CD163: variants seen among roughly 807,000 people sequenced by gnomAD.
CD163 encodes scavenger receptor cysteine-rich type 1 protein M130.
In CD163, 64 loss-of-function variants were observed where a neutral mutation model predicts 129.2. The ratio of observed to expected loss-of-function variants is 0.50; its 90% CI spans 0.41 to 0.61. The LOEUF is 0.61. Ranked by LOEUF, CD163 falls within the 20% of genes least tolerant of loss-of-function variation. CD163 has a pLI of 0.00. For missense variants in CD163, 1,061 were observed against 1,377.9 expected (o/e 0.77, Z 3.64); for synonymous variants, 446 against 478.5 (o/e 0.93, Z 0.89).
At position 7,496,868 on chromosome 12, in the gene CD163, A is replaced by G. The variant is rs769159899; in HGVS notation, c.1044T>C (p.His348=). Residue 348 remains histidine, a synonymous_variant, in exon 5 of 17, where the codon CAT becomes CAC. Coordinates refer to ENST00000432237, the MANE Select transcript of CD163 (RefSeq NM_203416.4). This position sits in a 1 kb window ranked among gnomAD's most constrained non-coding sequence, Gnocchi z 4.8. The part of the protein sequence containing the change: ...HEPAIWQCKH[H]EWGKHYCNHN... ...GATTGCAATAATGCTTTCCCCATTCATGGTGTTTACATTGCCAGATAGCAG... is the reference window on the plus strand; with the variant it reads ...GATTGCAATAATGCTTTCCCCATTCGTGGTGTTTACATTGCCAGATAGCAG... 5 of 1,614,086 alleles carry G rather than the reference A, an allele frequency of 3.1e-6. No individual in the cohort carries two copies. Among genetic ancestry groups the G allele is most frequent in the East Asian group, 2.2e-5 (1 of 44,882 alleles).
At position 7,497,152 on chromosome 12, in the gene CD163, AC is replaced by A. The variant is rs1949414092; in HGVS notation, c.779-20del. On this transcript the variant is annotated intron_variant, in intron 4 of 16. Coordinates refer to ENST00000432237, the MANE Select transcript of CD163 (RefSeq NM_203416.4). ...GCTCCCTCTGTAACAGAGACACACA[AC>A]AGGTCTGCGATAAGGAAGCAAGAAC... 1 of 1,598,778 alleles carries A rather than the reference AC, an allele frequency of 6.3e-7. No homozygotes were observed. The highest frequency in any genetic ancestry group is 8.5e-7 in the Non-Finnish European group (1 of 1,171,472).
intron 3 of CD163, 40 bp downstream of exon 3, chr12:7,501,099 A>G (rs781276430): frequency 6.4e-7 from 1 of 1,572,338 alleles, no homozygotes; most frequent in East Asian, 2.2e-5. Context: ...TTTTCCCACC[A>G]AGGATTTTGT....
chr12:7,489,925 C>T (rs746956099), intron 6 of CD163, among the ~76,000 whole-genome samples: 2 of 151,948 alleles, frequency 1.3e-5, no homozygotes, highest in Non-Finnish European at 2.9e-5. Flanking sequence ...TTGGGCATGC[C>T]GTAATTTTCA....
intron 16 of CD163, among the ~76,000 whole-genome samples, chr12:7,478,964 T>A (rs1162246697): frequency 6.6e-6 from 1 of 152,072 alleles, no homozygotes; most frequent in Non-Finnish European, 1.5e-5. Context: ...TAACTATACG[T>A]CTTGTTCACA....
chr12:7,485,122 G>C lies in CD163; in HGVS notation c.2753C>G (p.Ser918Trp). The C allele has an allele frequency of 1.2e-6, 2 of 1,610,528 alleles. No homozygotes were observed. The highest frequency in any genetic ancestry group is 8.5e-7 in the Non-Finnish European group (1 of 1,177,536). The change falls in exon 11 of 17, where the codon TCG (serine) becomes TGG (tryptophan). Residue 918 changes from serine (S) to tryptophan (W), a missense_variant. Transcript: ENST00000432237. The surrounding 1 kb of genome is among the most constrained non-coding windows in gnomAD (Gnocchi z 4.5). ...GTCACATGTGATCCAGGTCTCCTCC[G>C]AGGGGCTGGCCAGTCTCTTCTCCCA... ...SPWEKRLASP[S>W]EETWITCDNK...
intron 11 of CD163, among the ~76,000 whole-genome samples, chr12:7,484,388 C>T (rs1196990629): frequency 6.6e-6 from 1 of 151,960 alleles, no homozygotes; most frequent in Non-Finnish European, 1.5e-5. Flanking sequence ...ACCTGTAATC[C>T]CAGCAATTTG....
intron 6 of CD163, among the ~76,000 whole-genome samples, chr12:7,493,322 C>T (rs1949350283): frequency 6.6e-6 from 1 of 152,158 alleles, no homozygotes. Context: ...GGACAGAAGA[C>T]ACCTTCTCAG....
At chr12:7,490,539 G>A (rs1949313332) in intron 6 of CD163, among the ~76,000 whole-genome samples, 1 of 151,920 alleles carries the variant, frequency 6.6e-6, no homozygotes, top group Non-Finnish European at 1.5e-5. Flanking sequence ...TAGACCTTCT[G>A]AAGGTCTTAA....
intron 6 of CD163, among the ~76,000 whole-genome samples, chr12:7,489,119 A>G (rs1949294748): frequency 6.6e-6 from 1 of 152,184 alleles, no homozygotes; most frequent in African/African-American, 2.4e-5. Flanking sequence ...ATTACTACAG[A>G]ATTAGTAAGA....
chr12:7,492,636 G>A (rs1949341883), intron 6 of CD163, among the ~76,000 whole-genome samples: 1 of 152,056 alleles, frequency 6.6e-6, no homozygotes, highest in Non-Finnish European at 1.5e-5. Context: ...GCCACTTTTA[G>A]CATTTACAAG....
intron 6 of CD163, among the ~76,000 whole-genome samples, chr12:7,489,886 C>T (rs1276293921): frequency 2.0e-5 from 3 of 151,986 alleles, no homozygotes; most frequent in Non-Finnish European, 4.4e-5. Context: ...ACTTTATCAA[C>T]CTAATTTGAT....
At chr12:7,471,964 T>TAAGGAGGCC (rs1169155123) in intron 16 of CD163, 1 of 152,192 alleles carries the variant, frequency 6.6e-6, no homozygotes, top group Non-Finnish European at 1.5e-5. Flanking sequence ...GTGACAGCGC[T>TAAGGAGGCC]AAGGAGGCCA....
In CD163 at chr12:7,502,565, C is replaced by T. The variant is rs766464634; in HGVS notation, c.47-1G>A. 7.2e-6 allele frequency: 11 copies of T among 1,528,466 alleles called. No homozygotes were observed. The South Asian group carries it at 1.0e-4, about 14-fold the overall frequency. 94.7% of individuals were successfully genotyped at this position (1,528,466 alleles called of 1,614,324 possible). A position where few individuals can be genotyped will look rare whatever the true frequency, so the allele number is the denominator to read the frequency against. The stretch of plus-strand genomic sequence containing the variant: ...AAGTTGACAAAATGTCTTCTGAAGT[C>T]TGTGAAAAAGAAAAGAGGGCAAAAG... On this transcript the variant is annotated splice_acceptor_variant, in intron 1 of 16. Transcript: ENST00000432237. LOFTEE classifies it high-confidence loss of function.
Position 7,496,699 on chromosome 12 carries a change from A to C in CD163, c.1099+114T>G. The C allele has an allele frequency of 1.2e-6, 1 of 804,020 alleles. No homozygotes were observed. 49.8% of individuals were successfully genotyped at this position (804,020 alleles called of 1,614,324 possible). On this transcript the variant is annotated intron_variant, in intron 5 of 16. Transcript: ENST00000432237. The surrounding 1 kb of genome is among the most constrained non-coding windows in gnomAD (Gnocchi z 4.8). ...TAAAGGAATTCCCAGCAAGGAATTTACTAGGCATTTCTACTTCTTAAGGAG... is the reference window on the plus strand; with the variant it reads ...TAAAGGAATTCCCAGCAAGGAATTTCCTAGGCATTTCTACTTCTTAAGGAG...
chr12:7,483,197 G>A (rs6488340), intron 12 of CD163, 170 bp downstream of exon 12: 660,254 of 772,760 alleles, frequency 0.85, 288,474 homozygotes, highest in Non-Finnish European at 0.91. Context: ...GGTGAAGGCC[G>A]TTGTATAACA....
chr12:7,492,689 A>G (rs752918493), intron 6 of CD163, among the ~76,000 whole-genome samples: 1 of 152,074 alleles, frequency 6.6e-6, no homozygotes, highest in Non-Finnish European at 1.5e-5. Context: ...GCAAGCAGAA[A>G]TGGGAGGAGA....
rs1949402599 is a variant in CD163 at position 7,496,426 on chromosome 12, T to C, written c.1099+387A>G. Among the ~76,000 whole-genome samples the C allele has an allele frequency of 6.6e-6, 1 of 152,160 alleles. No individual in the cohort carries two copies. The highest frequency in any genetic ancestry group is 6.5e-5 in the Admixed American group (1 of 15,280). ...GGTTGATACGTGAAGCAGACCACCA[T>C]GGAACATGTTTACCCATGTAACAAA... On this transcript the variant is annotated intron_variant, in intron 5 of 16. Transcript: ENST00000432237. The surrounding 1 kb of genome is among the most constrained non-coding windows in gnomAD (Gnocchi z 4.8).
intron 16 of CD163, among the ~76,000 whole-genome samples, chr12:7,476,209 A>G (rs140067860): frequency 1.6e-4 from 25 of 152,326 alleles, no homozygotes; most frequent in Admixed American, 1.6e-3. Flanking sequence ...GCTACCATCG[A>G]CTTTCTTTAC....
chr12:7,487,834 T>G lies in CD163; in HGVS notation c.1674A>C (p.Pro558=), dbSNP rs762871551. The G allele has an allele frequency of 1.9e-6, 3 of 1,614,150 alleles. No individual in the cohort carries two copies. In the Admixed American group the frequency reaches 5.0e-5, roughly 27 times the overall value. ...EGHESHLSLC[P]VAPRPEGTCS... Reference sequence around the variant, plus strand: ...AAGTTCCTTCTGGGCGGGGTGCTACTGGGCAGAGTGAAAGATGGGACTCAT... The same window carrying G: ...AAGTTCCTTCTGGGCGGGGTGCTACGGGGCAGAGTGAAAGATGGGACTCAT... Residue 558 remains proline, a synonymous_variant, in exon 7 of 17, where the codon CCA becomes CCC. Coordinates refer to ENST00000432237, the MANE Select transcript of CD163 (RefSeq NM_203416.4). The surrounding 1 kb of genome is among the most constrained non-coding windows in gnomAD (Gnocchi z 5.1).
Sources: allele counts gnomAD v4.1 joint callset (sites outside exome capture counted in the v4.1 genomes callset), GRCh38; gene constraint gnomAD v4.1.1; non-coding constraint Gnocchi (gnomAD v3.1); transcripts MANE v1.5; gene names NCBI Gene and HGNC (gene_info 2026-07-23, HGNC 2026-07-21).